The following RPS6KC1 variants were observed in gnomAD, a reference collection of about 807,000 sequenced individuals.
The protein encoded by RPS6KC1 is ribosomal protein S6 kinase C1.
Under a neutral mutation model 103.8 loss-of-function variants are expected in RPS6KC1, and 54 were observed. That is an observed-to-expected ratio of 0.52 (90% CI 0.42 to 0.65). RPS6KC1 has a LOEUF of 0.65. RPS6KC1 is among the 30% of genes least tolerant of loss of function. The pLI, the probability that RPS6KC1 is intolerant of heterozygous loss-of-function variation, is 0.00. For missense variants in RPS6KC1, 1,151 were observed against 1,253.8 expected, an observed-to-expected ratio of 0.92 and a Z score of 1.24; for synonymous variants, 439 against 438.7, an observed-to-expected ratio of 1.00 and a Z score of -0.01.
At chr1:213,404,950 G>A in the RPS6KC1 span, among the ~76,000 whole-genome samples, 1 of 152,218 alleles carries the variant, frequency 6.6e-6, no homozygotes, top group Admixed American at 6.5e-5. Context: ...AAACAATGGG[G>A]TGGGGACAGA....
chr1:213,081,541 A>C (rs958276472), intron 3 of RPS6KC1, among the ~76,000 whole-genome samples: 8 of 152,120 alleles, frequency 5.3e-5, no homozygotes, highest in Admixed American at 2.0e-4. Flanking sequence ...TATCCAAACC[A>C]TAGCACCTTC....
chr1:213,268,525 A>G (rs78206638), intron 14 of RPS6KC1, among the ~76,000 whole-genome samples: 2,087 of 149,100 alleles, frequency 0.014, 43 homozygotes, highest in African/African-American at 0.048. Flanking sequence ...CATAGAAAAG[A>G]CAAAAAAATA....
chr1:213,852,946 C>A, the RPS6KC1 span, among the ~76,000 whole-genome samples: 3 of 152,162 alleles, frequency 2.0e-5, 1 homozygote, highest in Admixed American at 1.3e-4. Flanking sequence ...AAGGAGTGAG[C>A]AGCCAGCTCA....
chr1:213,490,486 CCTCTGCTTG>C, the RPS6KC1 span, among the ~76,000 whole-genome samples: 32 of 152,266 alleles, frequency 2.1e-4, no homozygotes, highest in African/African-American at 7.7e-4. Context: ...GCCTCTGTTT[CCTCTGCTTG>C]GACATCCATT....
chr1:213,301,907 TG>T, the RPS6KC1 span, among the ~76,000 whole-genome samples: 2 of 152,006 alleles, frequency 1.3e-5, no homozygotes, highest in African/African-American at 4.8e-5. Context: ...AGCTAATTTT[TG>T]TATTTTTAGT....
chr1:213,077,714 T>C lies in RPS6KC1; in HGVS notation c.160T>C (p.Tyr54His). Residue 54 changes from tyrosine to histidine, a missense_variant, in exon 3 of 15, where the codon TAC (tyrosine) becomes CAC (histidine). Around this residue, in one of 3 missense-constraint regions of RPS6KC1, gnomAD observed 959 missense variants for 1,006.3 expected, o/e 0.95. Transcript: ENST00000366960. Reference protein sequence around the residue: ...DVQEIIVWKRYSDFKKLHKEL... With the variant: ...DVQEIIVWKRHSDFKKLHKEL... ...TCTCTAGATAATTGTATGGAAGAGA[T>C]ACAGTGATTTTAAGAAACTACACAA... 1 of 1,479,462 alleles carries C rather than the reference T, an allele frequency of 6.8e-7. No individual in the cohort carries two copies. The highest frequency in any genetic ancestry group is 1.3e-5 in the South Asian group (1 of 76,612). 91.6% of individuals were successfully genotyped at this position (1,479,462 alleles called of 1,614,324 possible).
chr1:213,351,295 G>A, the RPS6KC1 span, among the ~76,000 whole-genome samples: 4 of 152,264 alleles, frequency 2.6e-5, no homozygotes, highest in South Asian at 8.3e-4. Flanking sequence ...ACTGCTGAAC[G>A]GAGACACAGA....
the RPS6KC1 span, among the ~76,000 whole-genome samples, chr1:213,817,554 C>G: frequency 1.3e-5 from 2 of 152,154 alleles, no homozygotes; most frequent in Non-Finnish European, 2.9e-5. Flanking sequence ...TACGGACACT[C>G]CTTCAGAGGG....
intron 5 of RPS6KC1, among the ~76,000 whole-genome samples, chr1:213,118,407 A>G (rs563364460): frequency 6.6e-6 from 1 of 152,284 alleles, no homozygotes; most frequent in East Asian, 1.9e-4. Flanking sequence ...GGTTTATTAA[A>G]GGTAAAATAA....
chr1:213,623,783 G>A, the RPS6KC1 span, among the ~76,000 whole-genome samples: 1 of 152,212 alleles, frequency 6.6e-6, no homozygotes, highest in Non-Finnish European at 1.5e-5. Context: ...GCAAGGGCAA[G>A]GCAGAGGTAC....
the RPS6KC1 span, among the ~76,000 whole-genome samples, chr1:213,393,380 A>G: frequency 3.2e-4 from 48 of 152,216 alleles, no homozygotes; most frequent in South Asian, 4.8e-3. Flanking sequence ...CACCCGGATC[A>G]ATAGGTTTTA....
chr1:213,229,472 A>G (rs943464777), intron 8 of RPS6KC1, among the ~76,000 whole-genome samples: 26 of 152,160 alleles, frequency 1.7e-4, no homozygotes, highest in African/African-American at 5.5e-4. Context: ...CCCATGGCCA[A>G]TTTCAGTCTG....
chr1:213,785,543 C>A, the RPS6KC1 span, among the ~76,000 whole-genome samples: 1 of 147,028 alleles, frequency 6.8e-6, no homozygotes, highest in Non-Finnish European at 1.5e-5. Context: ...TATCTCCATG[C>A]CAACTTTTAA....
chr1:213,692,836 C>T, the RPS6KC1 span, among the ~76,000 whole-genome samples: 1 of 152,320 alleles, frequency 6.6e-6, no homozygotes, highest in South Asian at 2.1e-4. Context: ...TTCCCTGGCT[C>T]TGGCTATGAC....
intron 7 of RPS6KC1, among the ~76,000 whole-genome samples, chr1:213,176,089 A>T (rs2091846526): frequency 6.6e-6 from 1 of 152,246 alleles, no homozygotes; most frequent in African/African-American, 2.4e-5. Flanking sequence ...ACAAAGTTTT[A>T]TGATAGCTGT....
intron 1 of RPS6KC1, among the ~76,000 whole-genome samples, chr1:213,062,041 G>A (rs1477770464): frequency 6.6e-6 from 1 of 151,870 alleles, no homozygotes; most frequent in African/African-American, 2.4e-5. Context: ...GTTTCTAAAG[G>A]GGCTTATTTT....
chr1:213,066,911 A>G (rs1406845371), intron 1 of RPS6KC1, among the ~76,000 whole-genome samples: 1 of 152,178 alleles, frequency 6.6e-6, no homozygotes, highest in Non-Finnish European at 1.5e-5. Flanking sequence ...TCAAGTTGGG[A>G]ACTGCTTAGG....
chr1:213,705,710 C>T, the RPS6KC1 span, among the ~76,000 whole-genome samples: 1 of 152,232 alleles, frequency 6.6e-6, no homozygotes, highest in African/African-American at 2.4e-5. Context: ...TGTGCTGAAG[C>T]CAGCAAGGGT....
chr1:213,851,556 C>T, the RPS6KC1 span, among the ~76,000 whole-genome samples: 1 of 152,282 alleles, frequency 6.6e-6, no homozygotes, highest in South Asian at 2.1e-4. Flanking sequence ...AGATTGCCCC[C>T]AGGTAATCGC....
Sources: gnomAD v4.1 joint callset for allele counts (sites outside exome capture counted in the v4.1 genomes callset) on GRCh38, gnomAD v4.1.1 for gene constraint, gnomAD v4.1.1 regional missense constraint, MANE v1.5 for transcripts, NCBI Gene and HGNC (gene_info 2026-07-23, HGNC 2026-07-21) for gene names.